The following VRK1 variants were observed in gnomAD, a reference collection of about 807,000 sequenced individuals.
VRK1 encodes serine/threonine-protein kinase VRK1.
In VRK1, 33 loss-of-function variants were observed where a neutral mutation model predicts 57.1. That is an observed-to-expected ratio of 0.58 (90% CI 0.44 to 0.77). The LOEUF is 0.77. Among genes scored for constraint, VRK1 ranks in the 30% least tolerant of loss-of-function variants. VRK1 has a pLI of 0.00. For missense variants in VRK1, 413 were observed against 477.3 expected (o/e 0.87, Z 1.25); for synonymous variants, 137 against 147.8 (o/e 0.93, Z 0.53).
At chr14:96,836,954 A>G (rs1193052841) in intron 2 of VRK1, among the ~76,000 whole-genome samples, 1 of 152,076 alleles carries the variant, frequency 6.6e-6, no homozygotes, top group Non-Finnish European at 1.5e-5. Flanking sequence ...CCCTCTTACC[A>G]TGTAGCCACT....
intron 11 of VRK1, among the ~76,000 whole-genome samples, chr14:96,867,845 ATTC>A (rs1253804138): frequency 1.1e-4 from 16 of 151,984 alleles, no homozygotes; most frequent in Admixed American, 2.6e-4. Flanking sequence ...ATGTCAGCAT[ATTC>A]TTGTTTTATT....
intron 1 of VRK1, among the ~76,000 whole-genome samples, chr14:96,832,969 T>A (rs952371305): frequency 1.3e-5 from 2 of 152,174 alleles, no homozygotes; most frequent in Non-Finnish European, 2.9e-5. Context: ...GTCATGAGGA[T>A]GGATGGGAAC....
At chr14:96,830,965 G>A (rs942607299) in intron 1 of VRK1, among the ~76,000 whole-genome samples, 6 of 152,200 alleles carry the variant, frequency 3.9e-5, no homozygotes, top group African/African-American at 1.4e-4. Flanking sequence ...AGGGGCTTTG[G>A]CTGGTTAGTT....
intron 11 of VRK1, among the ~76,000 whole-genome samples, chr14:96,864,044 T>C (rs995821761): frequency 6.6e-6 from 1 of 152,242 alleles, no homozygotes. Context: ...GTAATAAAGA[T>C]AAACTGTATT....
intron 1 of VRK1, among the ~76,000 whole-genome samples, chr14:96,816,361 C>G (rs946995687): frequency 1.3e-5 from 2 of 152,132 alleles, no homozygotes; most frequent in Admixed American, 1.3e-4. Flanking sequence ...GCTGCTTTAC[C>G]CATTACAGTT....
intron 10 of VRK1, among the ~76,000 whole-genome samples, chr14:96,859,931 A>G (rs12889255): frequency 0.34 from 51,668 of 152,012 alleles, 9,264 homozygotes; most frequent in South Asian, 0.44. Context: ...TCTGTGTGTG[A>G]GTCATTAGCT....
intron 1 of VRK1, among the ~76,000 whole-genome samples, chr14:96,822,402 AG>A (rs1410911897): frequency 6.6e-6 from 1 of 152,148 alleles, no homozygotes; most frequent in Non-Finnish European, 1.5e-5. Flanking sequence ...CTTGTCAAAA[AG>A]TTGCAGACCA....
chr14:96,807,110 C>G (rs1194448954), intron 1 of VRK1, among the ~76,000 whole-genome samples: 1 of 152,202 alleles, frequency 6.6e-6, no homozygotes, highest in East Asian at 1.9e-4. Flanking sequence ...TGTTTGTTCT[C>G]TGCACTGTGG....
At chr14:96,842,765 T>G (rs1397417229) in intron 3 of VRK1, among the ~76,000 whole-genome samples, 1 of 152,230 alleles carries the variant, frequency 6.6e-6, no homozygotes, top group Non-Finnish European at 1.5e-5. Flanking sequence ...GCTTCCCAGG[T>G]GATTCTTTTG....
intron 1 of VRK1, among the ~76,000 whole-genome samples, chr14:96,820,631 CAAAAT>C (rs1303186108): frequency 6.6e-6 from 1 of 151,958 alleles, no homozygotes; most frequent in African/African-American, 2.4e-5. Flanking sequence ...CTAAAATAAA[CAAAAT>C]AAACAGCAAA....
At chr14:96,879,629 T>C (rs2139853899) in intron 12 of VRK1, among the ~76,000 whole-genome samples, 1 of 152,230 alleles carries the variant, frequency 6.6e-6, no homozygotes, top group Middle Eastern at 3.4e-3. Context: ...CAGAATTAAT[T>C]TCAAATTTCT....
intron 2 of VRK1, among the ~76,000 whole-genome samples, chr14:96,837,136 G>A (rs942810760): frequency 2.6e-5 from 4 of 152,156 alleles, no homozygotes; most frequent in Non-Finnish European, 5.9e-5. Flanking sequence ...CTGACGTTTA[G>A]TATGTACTTG....
At chr14:96,827,583 CCA>C (rs1464123288) in intron 1 of VRK1, among the ~76,000 whole-genome samples, 2 of 152,138 alleles carry the variant, frequency 1.3e-5, no homozygotes, top group Non-Finnish European at 2.9e-5. Context: ...TGGGTCACTG[CCA>C]CAGTCTGTCC....
chr14:96,802,698 TA>T (rs1230872789), intron 1 of VRK1, among the ~76,000 whole-genome samples: 1 of 152,252 alleles, frequency 6.6e-6, no homozygotes, highest in African/African-American at 2.4e-5. Flanking sequence ...CAAAAGAATG[TA>T]AAAGCTGACA....
chr14:96,799,247 G>T (rs1885560665), intron 1 of VRK1, among the ~76,000 whole-genome samples: 1 of 152,134 alleles, frequency 6.6e-6, no homozygotes, highest in African/African-American at 2.4e-5. Flanking sequence ...GTATGCAAGT[G>T]TGTATTTTAA....
intron 5 of VRK1, among the ~76,000 whole-genome samples, chr14:96,849,842 C>T (rs1251332183): frequency 6.6e-6 from 1 of 152,176 alleles, no homozygotes; most frequent in African/African-American, 2.4e-5. Flanking sequence ...TCTTATCACC[C>T]ATTTTATGAT....
intron 1 of VRK1, among the ~76,000 whole-genome samples, chr14:96,830,546 G>C (rs189739970): frequency 1.2e-4 from 18 of 152,058 alleles, no homozygotes; most frequent in Admixed American, 5.9e-4. Flanking sequence ...ATTGATGTTA[G>C]TCTGTACATA....
At chr14:96,857,927 A>T (rs1397648909) in intron 10 of VRK1, among the ~76,000 whole-genome samples, 1 of 152,194 alleles carries the variant, frequency 6.6e-6, no homozygotes, top group African/African-American at 2.4e-5. Flanking sequence ...ATTTATAGAA[A>T]TGGAGTTAAT....
chr14:96,829,864 C>G (rs963518874), intron 1 of VRK1, among the ~76,000 whole-genome samples: 7 of 152,072 alleles, frequency 4.6e-5, no homozygotes, highest in Admixed American at 2.6e-4. Context: ...CTGATATTGA[C>G]ATTTCTTTAG....
Sources: allele counts gnomAD v4.1 joint callset (sites outside exome capture counted in the v4.1 genomes callset), GRCh38; gene constraint gnomAD v4.1.1; transcripts MANE v1.5; gene names NCBI Gene and HGNC (gene_info 2026-07-23, HGNC 2026-07-21).